Variants in ADAMTSL1 observed in about 807,000 individuals in gnomAD.
The protein encoded by ADAMTSL1 is ADAMTS like 1.
ADAMTSL1 carries 126 observed loss-of-function variants against 201.8 expected under a neutral mutation model. The ratio of observed to expected loss-of-function variants is 0.62; its 90% confidence interval spans 0.54 to 0.72. The LOEUF is 0.72. Among genes scored for constraint, ADAMTSL1 ranks in the 30% least tolerant of loss-of-function variants. ADAMTSL1 has a pLI of 0.00. For synonymous variants in ADAMTSL1, 1,121 were observed against 903.4 expected, an observed-to-expected ratio of 1.24 and a Z score of -4.32; for missense variants, 2,679 against 2,277.8, an observed-to-expected ratio of 1.18 and a Z score of -3.59.
At chr9:18,626,902 T>TTC (rs1826415962) in intron 5 of ADAMTSL1, among the ~76,000 whole-genome samples, 1 of 146,282 alleles carries the variant, frequency 6.8e-6, no homozygotes, top group African/African-American at 2.5e-5. Flanking sequence ...TTCCTTCCTT[T>TTC]CTTTCTTTTC....
chr9:18,567,322 C>G (rs1039669387), intron 3 of ADAMTSL1, among the ~76,000 whole-genome samples: 1 of 151,864 alleles, frequency 6.6e-6, no homozygotes, highest in South Asian at 2.1e-4. Flanking sequence ...GAAAAGTAGC[C>G]AGGTATGGTG....
intron 16 of ADAMTSL1, among the ~76,000 whole-genome samples, chr9:18,753,868 GT>G (rs895461849): frequency 1.3e-5 from 2 of 152,074 alleles, no homozygotes; most frequent in Admixed American, 1.3e-4. Context: ...ACCCTTTCTA[GT>G]TTTTTTGCTG....
intron 4 of ADAMTSL1, among the ~76,000 whole-genome samples, chr9:18,605,266 T>C (rs1824937619): frequency 6.6e-6 from 1 of 152,218 alleles, no homozygotes; most frequent in South Asian, 2.1e-4. Flanking sequence ...AGTTGTTGAT[T>C]TATGATCGCC....
chr9:18,279,385 T>C (rs1018670573), intron 2 of ADAMTSL1, among the ~76,000 whole-genome samples: 1 of 151,850 alleles, frequency 6.6e-6, no homozygotes. Context: ...GTATTTTGAA[T>C]TATCTAAGTT....
At chr9:18,352,630 C>G (rs577004795) in intron 2 of ADAMTSL1, among the ~76,000 whole-genome samples, 1 of 152,154 alleles carries the variant, frequency 6.6e-6, no homozygotes. Flanking sequence ...ACTTTATTAA[C>G]GTATTACTCT....
intron 2 of ADAMTSL1, among the ~76,000 whole-genome samples, chr9:18,341,424 T>C (rs1835459860): frequency 6.6e-6 from 1 of 152,152 alleles, no homozygotes; most frequent in African/African-American, 2.4e-5. Context: ...GCATTCATCT[T>C]TTAAGTTCCA....
rs567737345 is a variant in ADAMTSL1, at chr9:18,367,278, A to C, written c.208-137551A>C. Among the ~76,000 whole-genome samples the C allele has an allele frequency of 4.5e-4, 68 of 152,346 alleles. No homozygotes were observed. The South Asian group carries it at 0.013, about 28-fold the overall frequency. ...AAGATACAATTCCCAGGAATGCATG[A>C]AATTTATGCTTTTTCACTTATAATG... On this transcript the variant is annotated intron_variant, in intron 2 of 29. Transcript: ENST00000680146.
chr9:18,255,268 C>T (rs1389960015), intron 2 of ADAMTSL1, among the ~76,000 whole-genome samples: 1 of 152,104 alleles, frequency 6.6e-6, no homozygotes, highest in Non-Finnish European at 1.5e-5. Context: ...GGCGCTGCCG[C>T]ATTCTTTACC....
intron 2 of ADAMTSL1, among the ~76,000 whole-genome samples, chr9:18,412,952 T>G (rs1206430657): frequency 3.9e-5 from 6 of 152,190 alleles, no homozygotes; most frequent in Non-Finnish European, 8.8e-5. Context: ...CCAAGAGTGA[T>G]GTTAGAGATA....
intron 1 of ADAMTSL1, among the ~76,000 whole-genome samples, chr9:18,101,410 A>G (rs1026380520): frequency 1.3e-5 from 2 of 151,940 alleles, no homozygotes; most frequent in Admixed American, 6.6e-5. Context: ...AGGCAGGAGA[A>G]TAGCTTGAAC....
At chr9:18,643,568 T>C (rs1027138438) in intron 7 of ADAMTSL1, among the ~76,000 whole-genome samples, 3 of 152,114 alleles carry the variant, frequency 2.0e-5, no homozygotes, top group Admixed American at 6.6e-5. Flanking sequence ...CTTTAATCCA[T>C]TTTAAGTTGA....
chr9:18,138,015 T>C (rs970588195), intron 1 of ADAMTSL1, among the ~76,000 whole-genome samples: 1 of 152,124 alleles, frequency 6.6e-6, no homozygotes, highest in African/African-American at 2.4e-5. Flanking sequence ...CTGAGATGCA[T>C]AACCTTTGGC....
chr9:18,125,699 T>G (rs1825703251), intron 1 of ADAMTSL1, among the ~76,000 whole-genome samples: 2 of 152,212 alleles, frequency 1.3e-5, no homozygotes, highest in African/African-American at 4.8e-5. Flanking sequence ...CCACATTTAA[T>G]TAGCTTGTCA....
chr9:18,083,087 G>A lies in ADAMTSL1; in HGVS notation c.88-80775G>A, dbSNP rs182682626. Among the ~76,000 whole-genome samples the A allele has an allele frequency of 3.7e-4, 57 of 152,342 alleles. No homozygotes were observed. In the East Asian group the frequency reaches 0.011, roughly 28 times the overall value. ...TTGCAATAGCGTTATAGAGGAACATGTGGAACGTAAGACTTGAGACAAAAA... is the reference window on the plus strand; with the variant it reads ...TTGCAATAGCGTTATAGAGGAACATATGGAACGTAAGACTTGAGACAAAAA... On this transcript the variant is annotated intron_variant, in intron 1 of 29. Coordinates refer to the ADAMTSL1 transcript ENST00000680146.
intron 23 of ADAMTSL1, among the ~76,000 whole-genome samples, chr9:18,885,940 A>G (rs1828823589): frequency 6.6e-6 from 1 of 151,732 alleles, no homozygotes; most frequent in East Asian, 2.0e-4. Context: ...GATGATTTCT[A>G]GGGATTCCCA....
At chr9:18,792,610 T>C (rs997328589) in intron 19 of ADAMTSL1, among the ~76,000 whole-genome samples, 4 of 152,234 alleles carry the variant, frequency 2.6e-5, no homozygotes, top group African/African-American at 7.2e-5. Flanking sequence ...CTCAGTTCTA[T>C]TGAAACTTGA....
intron 17 of ADAMTSL1, among the ~76,000 whole-genome samples, chr9:18,774,320 T>A (rs1201113722): frequency 3.3e-5 from 5 of 151,984 alleles, no homozygotes; most frequent in Non-Finnish European, 2.9e-5. Context: ...AAATTAAAGG[T>A]CTCCAAACTA....
intron 26 of ADAMTSL1, among the ~76,000 whole-genome samples, chr9:18,900,927 A>T (rs1458247117): frequency 1.3e-5 from 2 of 152,164 alleles, no homozygotes; most frequent in Admixed American, 1.3e-4. Context: ...GAAGGAAAAG[A>T]AAGAACTATC....
chr9:18,670,266 G>A (rs901078320), intron 9 of ADAMTSL1, among the ~76,000 whole-genome samples: 4 of 152,212 alleles, frequency 2.6e-5, no homozygotes, highest in African/African-American at 9.6e-5. Context: ...GGCAGGTTGA[G>A]TTGTCCAAAG....
Sources: allele counts gnomAD v4.1 joint callset (sites outside exome capture counted in the v4.1 genomes callset), GRCh38; gene constraint gnomAD v4.1.1; transcripts MANE v1.5; gene names NCBI Gene and HGNC (gene_info 2026-07-23, HGNC 2026-07-21).